RIC1: variants seen among roughly 807,000 people sequenced by gnomAD.
RIC1 encodes RIC1 partner of RAB6A GEF complex.
A neutral mutation model predicts 169.0 loss-of-function variants in RIC1; 88 were observed. The ratio of observed to expected loss-of-function variants is 0.52; its 90% confidence interval spans 0.44 to 0.62. The LOEUF is 0.62. RIC1 is among the 20% of genes least tolerant of loss of function. The pLI is 0.00. For synonymous variants in RIC1, 790 were observed against 601.5 expected (o/e 1.31, Z -4.59); for missense variants, 1,877 against 1,725.5 (o/e 1.09, Z -1.56).
chr9:5,763,911 T>TA lies in RIC1; in HGVS notation c.2841+46dup, dbSNP rs761170504. ...ATAAAGGGGCAAGAATTAATGAGCT[T>TA]AAACTTAGAAAAATAGAAATGTCCT... is the stretch of plus-strand genomic sequence containing the variant. On this transcript the variant is annotated intron_variant, in intron 19 of 25. Coordinates refer to ENST00000414202, the MANE Select transcript of RIC1 (RefSeq NM_020829.4). This position sits in a 1 kb window ranked among gnomAD's most constrained non-coding sequence, Gnocchi z 5.2. 19 of 1,536,050 alleles carry TA rather than the reference T, an allele frequency of 1.2e-5. No individual in the cohort carries two copies. The highest frequency in any genetic ancestry group is 2.5e-5 in the South Asian group (2 of 78,818).
At chr9:5,706,799 C>T (rs1284973688) in intron 3 of RIC1, among the ~76,000 whole-genome samples, 2 of 152,042 alleles carry the variant, frequency 1.3e-5, no homozygotes, top group African/African-American at 2.4e-5. Flanking sequence ...ATAATATTCC[C>T]ACTTTCATTT....
At chr9:5,753,704 G>A in intron 14 of RIC1, 58 bp downstream of exon 14, 2 of 814,566 alleles carry the variant, frequency 2.5e-6, no homozygotes, top group Non-Finnish European at 3.9e-6. Flanking sequence ...ACTACAATAT[G>A]AAATAGCTAT....
intron 2 of RIC1, among the ~76,000 whole-genome samples, chr9:5,667,662 C>T (rs984684592): frequency 1.3e-5 from 2 of 152,072 alleles, no homozygotes. Flanking sequence ...CACCACCACG[C>T]CTGGCTGATT....
rs116769951 is a variant in RIC1 at position 5,662,015 on chromosome 9, G to A, written c.252+5325G>A. Among the ~76,000 whole-genome samples the A allele has an allele frequency of 5.1e-3, 783 of 152,060 alleles. 11 individuals carry two copies. Among genetic ancestry groups the A allele is most frequent in the African/African-American group, 0.018 (749 of 41,502 alleles). On this transcript the variant is annotated intron_variant, in intron 2 of 25. Coordinates refer to ENST00000414202, the MANE Select transcript of RIC1 (RefSeq NM_020829.4). ...TTTGAAGTATGTTCCTTCAATATCT[G>A]GTTTATTGAGAGTTTTTAACCTAAA... is the stretch of plus-strand genomic sequence containing the variant.
At chr9:5,747,229 TTGCC>T in intron 11 of RIC1, 69 bp from the exon 12 acceptor site, 1 of 1,116,220 alleles carries the variant, frequency 9.0e-7, no homozygotes, top group Non-Finnish European at 1.4e-6. Context: ...TGTGTTATTT[TTGCC>T]TGCGTAATAT....
chr9:5,713,381 A>G (rs1823050899), intron 3 of RIC1: 1 of 152,430 alleles, frequency 6.6e-6, no homozygotes. Flanking sequence ...TTAGCTACTT[A>G]TTACTAAGTA....
intron 8 of RIC1, among the ~76,000 whole-genome samples, chr9:5,742,479 C>T (rs926177788): frequency 7.2e-5 from 11 of 152,016 alleles, no homozygotes; most frequent in African/African-American, 2.2e-4. Flanking sequence ...ATCATTCTTA[C>T]TGTGTAGCTT....
At chr9:5,753,149 G>A (rs377179784) in intron 12 of RIC1, 51 bp from the exon 13 acceptor site, 14 of 1,501,312 alleles carry the variant, frequency 9.3e-6, no homozygotes, top group Non-Finnish European at 1.3e-5. Context: ...AATGCTTTAA[G>A]TTTAAATATA....
intron 2 of RIC1, among the ~76,000 whole-genome samples, chr9:5,678,917 C>G (rs1390100766): frequency 6.6e-6 from 1 of 151,928 alleles, no homozygotes; most frequent in Admixed American, 6.6e-5. Context: ...GAAGTCCTTG[C>G]CCATGCCTAT....
At chr9:5,672,573 C>A (rs57943209) in intron 2 of RIC1, among the ~76,000 whole-genome samples, 2,019 of 152,108 alleles carry the variant, frequency 0.013, 53 homozygotes, top group African/African-American at 0.046. Context: ...GATAAGAGAC[C>A]TGCAGGAGCA....
chr9:5,770,622 A>G (rs957420024), intron 23 of RIC1, among the ~76,000 whole-genome samples: 1 of 152,248 alleles, frequency 6.6e-6, no homozygotes, highest in African/African-American at 2.4e-5. Flanking sequence ...GATGTGGATC[A>G]TAACAAATTT....
At chr9:5,662,874 C>A (rs956389828) in intron 2 of RIC1, among the ~76,000 whole-genome samples, 1 of 152,042 alleles carries the variant, frequency 6.6e-6, no homozygotes, top group African/African-American at 2.4e-5. Context: ...TTGTCTTCTG[C>A]TAGCTTTTGG....
chr9:5,734,190 T>C (rs1197059143), intron 7 of RIC1, among the ~76,000 whole-genome samples: 1 of 151,788 alleles, frequency 6.6e-6, no homozygotes, highest in Non-Finnish European at 1.5e-5. Flanking sequence ...CACCGCAACC[T>C]CTGCCTCCTG....
chr9:5,727,867 G>T (rs1824097484), intron 6 of RIC1, among the ~76,000 whole-genome samples: 1 of 152,210 alleles, frequency 6.6e-6, no homozygotes, highest in African/African-American at 2.4e-5. Flanking sequence ...ACATATTGCA[G>T]AACGGCAAAT....
rs753779392 is a variant in RIC1, at chr9:5,774,189, C to T, written c.4215C>T (p.Ala1405=). 12 of 1,613,852 alleles carry T rather than the reference C, an allele frequency of 7.4e-6. No individual in the cohort carries two copies. Among genetic ancestry groups the T allele is most frequent in the Non-Finnish European group, 9.3e-6 (11 of 1,179,896 alleles). Residue 1405 remains alanine, a synonymous_variant, in exon 26 of 26, where the codon GCC becomes GCT. Coordinates refer to ENST00000414202, the MANE Select transcript of RIC1 (RefSeq NM_020829.4). ...NMVSRKEEDT[A]QAEEEEPFQD... is the part of the protein sequence containing the mutation. ...TCAGCCGGAAAGAGGAGGACACAGC[C>T]CAAGCAGAGGAGGAAGAACCTTTTC...
chr9:5,724,784 C>G (rs1823854230), intron 6 of RIC1, among the ~76,000 whole-genome samples: 1 of 152,120 alleles, frequency 6.6e-6, no homozygotes, highest in Non-Finnish European at 1.5e-5. Flanking sequence ...TGAATTTTGT[C>G]AAAGGCCTTT....
intron 4 of RIC1, among the ~76,000 whole-genome samples, chr9:5,716,564 G>C (rs1270166825): frequency 6.6e-6 from 1 of 152,204 alleles, no homozygotes; most frequent in Non-Finnish European, 1.5e-5. Flanking sequence ...AGTGAGCTGA[G>C]ATTGTGCCAC....
intron 1 of RIC1, among the ~76,000 whole-genome samples, chr9:5,652,284 TG>T (rs761380732): frequency 6.6e-6 from 1 of 152,234 alleles, no homozygotes; most frequent in Non-Finnish European, 1.5e-5. Context: ...ACATTGGATC[TG>T]TAGATCACTT....
intron 17 of RIC1, among the ~76,000 whole-genome samples, chr9:5,759,889 T>A (rs999011263): frequency 6.6e-6 from 1 of 152,158 alleles, no homozygotes; most frequent in Non-Finnish European, 1.5e-5. Flanking sequence ...TTTAATCATG[T>A]TTAAAGTTTT....
Sources: gnomAD v4.1 joint callset for allele counts (sites outside exome capture counted in the v4.1 genomes callset) on GRCh38, gnomAD v4.1.1 for gene constraint, Gnocchi (gnomAD v3.1) non-coding constraint, MANE v1.5 for transcripts, NCBI Gene and HGNC (gene_info 2026-07-23, HGNC 2026-07-21) for gene names.